Variants in GMDS observed in about 807,000 individuals in gnomAD.
GMDS encodes GDP-mannose 4,6 dehydratase.
Under a neutral mutation model 49.9 loss-of-function variants are expected in GMDS, and 20 were observed. The ratio of observed to expected loss-of-function variants is 0.40; its 90% confidence interval spans 0.28 to 0.58. GMDS has a LOEUF of 0.58. GMDS is among the 20% of genes least tolerant of loss of function. The pLI, the probability that GMDS is intolerant of heterozygous loss-of-function variation, is 0.42. For missense variants in GMDS, 362 were observed against 481.4 expected (o/e 0.75, Z 2.32); for synonymous variants, 177 against 178.6 (o/e 0.99, Z 0.07).
At chr6:1,628,273 T>C (rs148101739) in intron 9 of GMDS, among the ~76,000 whole-genome samples, 21 of 152,358 alleles carry the variant, frequency 1.4e-4, no homozygotes, top group African/African-American at 5.1e-4. Context: ...GACCATAGTG[T>C]GCCATTATCT....
At chr6:1,895,297 T>C (rs1760098567) in intron 7 of GMDS, among the ~76,000 whole-genome samples, 1 of 152,212 alleles carries the variant, frequency 6.6e-6, no homozygotes, top group Non-Finnish European at 1.5e-5. Flanking sequence ...GAACCGTTTC[T>C]CCGCTGCATT....
intron 7 of GMDS, among the ~76,000 whole-genome samples, chr6:1,875,966 C>T (rs975657714): frequency 1.3e-5 from 2 of 148,926 alleles, no homozygotes; most frequent in Admixed American, 6.7e-5. Context: ...TGCGGTGAGC[C>T]GAGATCGTGC....
chr6:2,135,301 T>TTGG (rs1224856793), intron 1 of GMDS, among the ~76,000 whole-genome samples: 4 of 152,158 alleles, frequency 2.6e-5, no homozygotes, highest in Non-Finnish European at 2.9e-5. Flanking sequence ...AATCCCCCCT[T>TTGG]TAAGTATACT....
At chr6:2,083,985 T>C (rs1772863700) in intron 4 of GMDS, among the ~76,000 whole-genome samples, 2 of 152,162 alleles carry the variant, frequency 1.3e-5, no homozygotes, top group Non-Finnish European at 2.9e-5. Context: ...TCAGTCAAAT[T>C]ATATGTCTCA....
intron 4 of GMDS, among the ~76,000 whole-genome samples, chr6:2,079,924 T>A (rs1002607411): frequency 6.6e-6 from 1 of 152,218 alleles, no homozygotes; most frequent in Non-Finnish European, 1.5e-5. Context: ...TTCTCTGTCT[T>A]CTGGGACCCA....
intron 2 of GMDS, among the ~76,000 whole-genome samples, chr6:2,122,516 T>C (rs2127507003): frequency 6.6e-6 from 1 of 151,108 alleles, no homozygotes; most frequent in South Asian, 2.1e-4. Context: ...CCTTCAATAA[T>C]CAGGGACTGC....
chr6:1,870,944 G>A (rs1450175057), intron 7 of GMDS, among the ~76,000 whole-genome samples: 1 of 152,118 alleles, frequency 6.6e-6, no homozygotes, highest in Non-Finnish European at 1.5e-5. Flanking sequence ...GTCTGCTGCA[G>A]ACATTTACTA....
At chr6:2,067,734 A>G (rs928705058) in intron 4 of GMDS, among the ~76,000 whole-genome samples, 6 of 152,182 alleles carry the variant, frequency 3.9e-5, no homozygotes, top group African/African-American at 1.4e-4. Flanking sequence ...GAATCTCTGA[A>G]TAGACCAATA....
chr6:2,125,379 G>A (rs552415526), intron 1 of GMDS, among the ~76,000 whole-genome samples: 8 of 152,202 alleles, frequency 5.3e-5, no homozygotes, highest in African/African-American at 1.7e-4. Context: ...TCTTCCCACC[G>A]TGGCCTCCCA....
At chr6:1,822,902 T>A (rs1308858223) in intron 7 of GMDS, among the ~76,000 whole-genome samples, 1 of 152,190 alleles carries the variant, frequency 6.6e-6, no homozygotes, top group African/African-American at 2.4e-5. Context: ...TTAAGAGAAG[T>A]CTGACAGAAG....
At chr6:1,919,534 A>G (rs537841270) in intron 7 of GMDS, among the ~76,000 whole-genome samples, 56 of 152,298 alleles carry the variant, frequency 3.7e-4, no homozygotes, top group African/African-American at 1.3e-3. Flanking sequence ...TAGAAGTCCA[A>G]TTGTTTTTCT....
intron 7 of GMDS, among the ~76,000 whole-genome samples, chr6:1,913,571 G>A (rs1239287250): frequency 6.6e-6 from 1 of 152,052 alleles, no homozygotes; most frequent in African/African-American, 2.4e-5. Context: ...CCATATTCCA[G>A]TCACAGGGAA....
At chr6:1,914,901 T>A (rs907087315) in intron 7 of GMDS, among the ~76,000 whole-genome samples, 4 of 152,170 alleles carry the variant, frequency 2.6e-5, no homozygotes, top group African/African-American at 9.7e-5. Context: ...CAGGCCCCCC[T>A]CCTGCTTAGG....
At chr6:1,853,496 C>T (rs1306612290) in intron 7 of GMDS, among the ~76,000 whole-genome samples, 4 of 120,676 alleles carry the variant, frequency 3.3e-5, no homozygotes, top group East Asian at 2.3e-4. Context: ...CCAGCCTGGG[C>T]GACAGAGCGA....
chr6:1,787,390 G>T (rs553270367), intron 7 of GMDS, among the ~76,000 whole-genome samples: 20 of 152,220 alleles, frequency 1.3e-4, no homozygotes, highest in Non-Finnish European at 2.4e-4. Context: ...ATAAATCCCA[G>T]CTGCTAACCA....
At position 1,836,990 on chromosome 6, in the gene GMDS, AG is replaced by A. The variant is rs1434494993; in HGVS notation, c.771+93112del. The stretch of plus-strand genomic sequence containing the variant: ...GGGAAAAGGCTAAAAATTCATATAC[AG>A]GAAGTGGAAGTCTTTATATTTCATT... On this transcript the variant is annotated intron_variant, in intron 7 of 10. Coordinates refer to ENST00000380815, the MANE Select transcript of GMDS (RefSeq NM_001500.4). This position sits in a 1 kb window ranked among gnomAD's most constrained non-coding sequence, Gnocchi z 4.2. Among the ~76,000 whole-genome samples, 1 of 152,268 alleles carries A rather than the reference AG, an allele frequency of 6.6e-6. No individual in the cohort carries two copies. The highest frequency in any genetic ancestry group is 1.5e-5 in the Non-Finnish European group (1 of 68,046).
chr6:1,919,416 T>C (rs1258908363), intron 7 of GMDS, among the ~76,000 whole-genome samples: 1 of 152,240 alleles, frequency 6.6e-6, no homozygotes, highest in Non-Finnish European at 1.5e-5. Flanking sequence ...ATAATTTCCA[T>C]ATGAGGCTTA....
At chr6:1,737,897 A>C (rs1276914515) in intron 8 of GMDS, among the ~76,000 whole-genome samples, 1 of 146,642 alleles carries the variant, frequency 6.8e-6, no homozygotes, top group Non-Finnish European at 1.5e-5. Context: ...AACCCCACAC[A>C]CATACACACC....
intron 7 of GMDS, among the ~76,000 whole-genome samples, chr6:1,922,345 A>T (rs761263634): frequency 6.6e-6 from 1 of 152,152 alleles, no homozygotes; most frequent in Non-Finnish European, 1.5e-5. Flanking sequence ...CACCACTAAC[A>T]CTTTAGACAA....
Sources: allele counts gnomAD v4.1 joint callset (sites outside exome capture counted in the v4.1 genomes callset), GRCh38; gene constraint gnomAD v4.1.1; non-coding constraint Gnocchi (gnomAD v3.1); transcripts MANE v1.5; gene names NCBI Gene and HGNC (gene_info 2026-07-23, HGNC 2026-07-21).